Variants in GPC6 observed in about 807,000 individuals in gnomAD.
GPC6 encodes glypican-6.
Under a neutral mutation model 55.2 loss-of-function variants are expected in GPC6, and 14 were observed. That is an observed-to-expected ratio of 0.25 (90% CI 0.17 to 0.40). GPC6 has a LOEUF of 0.40. GPC6 is among the 10% of genes least tolerant of loss of function. GPC6 has a pLI of 1.00. For synonymous variants in GPC6, 278 were observed against 259.6 expected, an observed-to-expected ratio of 1.07 and a Z score of -0.68; for missense variants, 641 against 708.5, an observed-to-expected ratio of 0.90 and a Z score of 1.08.
intron 4 of GPC6, among the ~76,000 whole-genome samples, chr13:94,083,331 G>A (rs1040305553): frequency 1.4e-4 from 22 of 152,262 alleles, no homozygotes; most frequent in Admixed American, 3.3e-4. Context: ...TGTTAGCCAG[G>A]ATGGTCTCGA....
At chr13:93,622,065 C>T (rs1178192202) in intron 2 of GPC6, among the ~76,000 whole-genome samples, 1 of 152,116 alleles carries the variant, frequency 6.6e-6, no homozygotes, top group African/African-American at 2.4e-5. Flanking sequence ...CTATTCTCTT[C>T]CTCCAACTTT....
chr13:94,320,221 A>G (rs1029140014), intron 6 of GPC6, among the ~76,000 whole-genome samples: 1 of 152,216 alleles, frequency 6.6e-6, no homozygotes, highest in Non-Finnish European at 1.5e-5. Flanking sequence ...CTAGTACTTA[A>G]TGAATTAATT....
At chr13:93,361,390 C>G (rs1881034839) in intron 1 of GPC6, among the ~76,000 whole-genome samples, 1 of 152,126 alleles carries the variant, frequency 6.6e-6, no homozygotes, top group African/African-American at 2.4e-5. Flanking sequence ...CCCACAAACC[C>G]CTAAGATGTA....
intron 6 of GPC6, among the ~76,000 whole-genome samples, chr13:94,347,322 A>G (rs1290017834): frequency 6.6e-6 from 1 of 152,200 alleles, no homozygotes; most frequent in African/African-American, 2.4e-5. Flanking sequence ...ACAAAGTCCA[A>G]AACCTCTGCA....
intron 4 of GPC6, among the ~76,000 whole-genome samples, chr13:94,074,274 A>C (rs1884833890): frequency 6.6e-6 from 1 of 152,240 alleles, no homozygotes; most frequent in South Asian, 2.1e-4. Context: ...ATAGGGGCAA[A>C]TACGTTTGCT....
intron 2 of GPC6, among the ~76,000 whole-genome samples, chr13:93,625,516 G>A (rs1879163302): frequency 6.6e-6 from 1 of 152,116 alleles, no homozygotes; most frequent in Non-Finnish European, 1.5e-5. Flanking sequence ...TTTGTGTTGT[G>A]TGTTTTCCAG....
rs545979002 is a variant in GPC6 at position 93,524,318 on chromosome 13, A to G, written c.161-20945A>G. Among the ~76,000 whole-genome samples the G allele has an allele frequency of 3.3e-5, 5 of 152,142 alleles. No individual in the cohort carries two copies. In the South Asian group the frequency reaches 1.0e-3, roughly 32 times the overall value. ...AAGACAAACAGGAGTATGCTTCCTAAGTGAGGCCAGCTTCAAGAAGGGGTG... is the reference window on the plus strand; with the variant it reads ...AAGACAAACAGGAGTATGCTTCCTAGGTGAGGCCAGCTTCAAGAAGGGGTG... On this transcript the variant is annotated intron_variant, in intron 1 of 8. Coordinates refer to ENST00000377047, the MANE Select transcript of GPC6 (RefSeq NM_005708.5).
At chr13:94,129,946 A>G (rs533518226) in intron 4 of GPC6, among the ~76,000 whole-genome samples, 39 of 152,146 alleles carry the variant, frequency 2.6e-4, no homozygotes, top group Non-Finnish European at 4.4e-4. Context: ...ATCATATTAC[A>G]CAAATATGTT....
intron 1 of GPC6, among the ~76,000 whole-genome samples, chr13:93,473,221 T>G (rs1257875810): frequency 6.6e-6 from 1 of 152,168 alleles, no homozygotes; most frequent in Non-Finnish European, 1.5e-5. Context: ...CTGCCGTCCA[T>G]GGGCCCAGGC....
chr13:94,380,325 G>A (rs1880104350), intron 6 of GPC6, among the ~76,000 whole-genome samples: 1 of 152,120 alleles, frequency 6.6e-6, no homozygotes, highest in Admixed American at 6.5e-5. Context: ...AAAAGAGTAA[G>A]AATGAGTGGC....
chr13:94,385,091 T>C (rs35333555), intron 7 of GPC6, among the ~76,000 whole-genome samples: 20,697 of 152,096 alleles, frequency 0.14, 1,597 homozygotes, highest in East Asian at 0.28. Flanking sequence ...AATACAAAAA[T>C]TAGCTGGGTG....
intron 2 of GPC6, among the ~76,000 whole-genome samples, chr13:93,739,308 T>C (rs1228087453): frequency 6.6e-6 from 1 of 152,182 alleles, no homozygotes; most frequent in Non-Finnish European, 1.5e-5. Context: ...GCTTCTGTAA[T>C]GTGCCCTTGA....
chr13:93,541,211 T>G (rs2139427043), intron 1 of GPC6, among the ~76,000 whole-genome samples: 1 of 135,020 alleles, frequency 7.4e-6, no homozygotes, highest in South Asian at 2.6e-4. Flanking sequence ...GAGTGTGATG[T>G]TCCCCTTCCT....
At chr13:94,293,747 G>A (rs554590432) in intron 5 of GPC6, among the ~76,000 whole-genome samples, 7 of 152,234 alleles carry the variant, frequency 4.6e-5, no homozygotes, top group Admixed American at 6.5e-5. Flanking sequence ...GCCTGAGGTC[G>A]TGTAACAAAC....
At chr13:94,230,430 T>C (rs1371459999) in intron 4 of GPC6, among the ~76,000 whole-genome samples, 1 of 152,088 alleles carries the variant, frequency 6.6e-6, no homozygotes, top group African/African-American at 2.4e-5. Context: ...CTCCCCACCA[T>C]TGGTGTTAAG....
At chr13:94,066,989 A>G (rs1404689368) in intron 4 of GPC6, among the ~76,000 whole-genome samples, 1 of 152,166 alleles carries the variant, frequency 6.6e-6, no homozygotes, top group East Asian at 1.9e-4. Flanking sequence ...CTTTGCGATC[A>G]CCAAAACATT....
intron 1 of GPC6, among the ~76,000 whole-genome samples, chr13:93,335,225 T>TA (rs1434843316): frequency 2.5e-4 from 38 of 152,234 alleles, no homozygotes; most frequent in Admixed American, 7.2e-4. Context: ...AAATACCTGT[T>TA]ACGTTATAGA....
At chr13:93,817,784 C>T (rs1392105966) in intron 2 of GPC6, among the ~76,000 whole-genome samples, 1 of 151,754 alleles carries the variant, frequency 6.6e-6, no homozygotes. Flanking sequence ...CTGGGAGCCC[C>T]TGGAGGGGAA....
intron 3 of GPC6, among the ~76,000 whole-genome samples, chr13:93,964,635 T>C (rs1879939298): frequency 6.6e-6 from 1 of 152,202 alleles, no homozygotes; most frequent in African/African-American, 2.4e-5. Flanking sequence ...GTAGTGCGTA[T>C]AGTAAAATGT....
Sources: gnomAD v4.1 joint callset for allele counts (sites outside exome capture counted in the v4.1 genomes callset) on GRCh38, gnomAD v4.1.1 for gene constraint, MANE v1.5 for transcripts, NCBI Gene and HGNC (gene_info 2026-07-23, HGNC 2026-07-21) for gene names.